The following OCEL1 variants were observed in gnomAD, a reference collection of about 807,000 sequenced individuals.
OCEL1 encodes the protein occludin/ELL domain-containing protein 1.
Under a neutral mutation model 29.4 loss-of-function variants are expected in OCEL1, and 24 were observed. The ratio of observed to expected loss-of-function variants is 0.82; its 90% CI spans 0.59 to 1.15. The LOEUF is 1.15. OCEL1 is among the 50% of genes most tolerant of loss of function. The probability of loss-of-function intolerance (pLI) is 0.00; values close to 1 mark genes in which losing one functional copy is unlikely to be tolerated. For missense variants in OCEL1, 402 were observed against 352.5 expected (o/e 1.14, Z -1.13); for synonymous variants, 172 against 145.3 (o/e 1.18, Z -1.32).
chr19:17,226,357 G>C, intron 1 of OCEL1, 41 bp downstream of exon 1: 2 of 1,598,346 alleles, frequency 1.3e-6, no homozygotes, highest in Non-Finnish European at 1.7e-6. Context: ...CTTGCAGGTG[G>C]GGCGGAGGTC....
intron 3 of OCEL1, 24 bp downstream of exon 3, chr19:17,227,223 T>TTATG: frequency 1.4e-6 from 2 of 1,466,188 alleles, no homozygotes. Context: ...ATGTGATTCT[T>TTATG]CATGCCTGGG....
rs1002827638 is a variant in OCEL1, at chr19:17,226,468, C to T, written c.69+152C>T. On this transcript the variant is annotated intron_variant, in intron 1 of 5. Transcript: ENST00000215061. Reference sequence around the variant, plus strand: ...TAACTCGAGCCGGTCCCAGGCTGCGCGGCGACGTCAGAGTTCATTTACATA... The same window carrying T: ...TAACTCGAGCCGGTCCCAGGCTGCGTGGCGACGTCAGAGTTCATTTACATA... 8 of 1,007,134 alleles carry T rather than the reference C, an allele frequency of 7.9e-6. No homozygotes were observed. The African/African-American group carries it at 1.3e-4, about 16-fold the overall frequency. 62.4% of individuals were successfully genotyped at this position (1,007,134 alleles called of 1,614,324 possible).
At chr19:17,227,332 G>A in intron 3 of OCEL1, 133 bp downstream of exon 3, 3 of 768,790 alleles carry the variant, frequency 3.9e-6, no homozygotes, top group Non-Finnish European at 5.5e-6. Context: ...TAGTGGGATT[G>A]TCCCTGTGAA....
At chr19:17,226,569 A>G in intron 1 of OCEL1, 124 bp from the exon 2 acceptor site, 1 of 1,118,150 alleles carries the variant, frequency 8.9e-7, no homozygotes, top group Non-Finnish European at 1.2e-6. Context: ...CTATGCAAAT[A>G]GCGGTCGTTC....
chr19:17,227,292 G>A, intron 3 of OCEL1, 93 bp downstream of exon 3: 4 of 1,204,040 alleles, frequency 3.3e-6, no homozygotes, highest in Non-Finnish European at 4.4e-6. Flanking sequence ...TTACCAAAGA[G>A]TAGAAAGGAA....
Position 17,228,016 on chromosome 19 carries a change from G to C in OCEL1, c.618+11G>C, listed in dbSNP as rs1211992045. The C allele has an allele frequency of 1.2e-6, 2 of 1,610,812 alleles. No homozygotes were observed. The highest frequency in any genetic ancestry group is 1.7e-6 in the Non-Finnish European group (2 of 1,179,510). ...CCACCCCAAAGCCAGGTCAGCACTA[G>C]GGAGAAAGCCCTGCCCCGCAGCCCT... On this transcript the variant is annotated intron_variant, in intron 4 of 5. Transcript: ENST00000215061.
At chr19:17,227,317 A>G in intron 3 of OCEL1, 118 bp downstream of exon 3, 1 of 927,202 alleles carries the variant, frequency 1.1e-6, no homozygotes, top group Non-Finnish European at 1.5e-6. Context: ...TCCCTTGCTG[A>G]TCAGTAGTGG....
In OCEL1 at chr19:17,228,307, A is replaced by T; in HGVS notation, c.670A>T (p.Met224Leu). 1 of 1,613,930 alleles carries T rather than the reference A, an allele frequency of 6.2e-7. No homozygotes were observed. Among genetic ancestry groups the T allele is most frequent in the Non-Finnish European group, 8.5e-7 (1 of 1,179,962 alleles). ...RVWREFEMKR[M>L]DPGFLDKQAR... ...TTGGAGGGAGTTTGAGATGAAGCGA[A>T]TGGTGAGTCTTGCATCCCACAGCTT... The change falls in exon 5 of 6, where the codon ATG becomes TTG. Residue 224 changes from methionine (M) to leucine (L), a missense_variant and splice_region_variant. By Grantham distance (15) the Met-to-Leu change is conservative (BLOSUM62 2). Coordinates refer to ENST00000215061, the MANE Select transcript of OCEL1 (RefSeq NM_024578.3).
intron 5 of OCEL1, 68 bp from the exon 6 acceptor site, chr19:17,228,733 CAG>C: frequency 6.4e-7 from 1 of 1,558,788 alleles, no homozygotes; most frequent in South Asian, 1.2e-5. Flanking sequence ...GAATGAAAGG[CAG>C]AGAGTTAAGC....
chr19:17,227,030 G>A lies in OCEL1; in HGVS notation c.283G>A (p.Ala95Thr). 6.3e-7 allele frequency: 1 copy of A among 1,599,998 alleles called. No individual in the cohort carries two copies. Among genetic ancestry groups the A allele is most frequent in the South Asian group, 1.1e-5 (1 of 89,228 alleles). ...GGCGCCCCGAGGCCTCAAAACCAGC[G>A]CCCCCCGCCCTCCGTGCCAGCCCCA... ...GLAPRGLKTS[A>T]PRPPCQPQPG... The change falls in exon 3 of 6, where the codon GCC becomes ACC. Residue 95 changes from alanine (A) to threonine (T), a missense_variant. Physicochemically the swap from Ala to Thr is moderately conservative, Grantham distance 58. Coordinates refer to ENST00000215061, the MANE Select transcript of OCEL1 (RefSeq NM_024578.3).
rs541748618 is a variant in OCEL1 at position 17,229,020 on chromosome 19, A to G, written c.*95A>G. 3 of 1,451,446 alleles carry G rather than the reference A, an allele frequency of 2.1e-6. No individual in the cohort carries two copies. Among genetic ancestry groups the G allele is most frequent in the Non-Finnish European group, 2.8e-6 (3 of 1,079,032 alleles). The allele number at this position is 1,451,446 out of a possible 1,614,324, so 89.9% of individuals were successfully genotyped here. A position where few individuals can be genotyped will look rare whatever the true frequency, so the allele number is the denominator to read the frequency against. Reference sequence around the variant, plus strand: ...TTTTCCTCTTGCAGCTCCCCCTACCAGGGGTCGCTTTCTCCTGGATTGCAA... The same window carrying G: ...TTTTCCTCTTGCAGCTCCCCCTACCGGGGGTCGCTTTCTCCTGGATTGCAA... On this transcript the variant is annotated 3_prime_UTR_variant, in exon 6 of 6. Transcript: ENST00000215061.
At chr19:17,228,050 G>T in intron 4 of OCEL1, 45 bp downstream of exon 4, 1 of 1,600,808 alleles carries the variant, frequency 6.2e-7, no homozygotes, top group Non-Finnish European at 8.5e-7. Context: ...CTTCTGAGTG[G>T]CCCGACCCAA....
intron 5 of OCEL1, 59 bp from the exon 6 acceptor site, chr19:17,228,744 G>A: frequency 7.0e-6 from 11 of 1,581,276 alleles, no homozygotes; most frequent in Non-Finnish European, 9.4e-6. Flanking sequence ...AGAGAGTTAA[G>A]CAGCTTGAAG....
chr19:17,228,152 G>T, intron 4 of OCEL1, 104 bp from the exon 5 acceptor site: 9 of 1,532,178 alleles, frequency 5.9e-6, no homozygotes, highest in Non-Finnish European at 8.1e-6. Flanking sequence ...GTCAGCCCTT[G>T]AAGTCCCCAC....
intron 4 of OCEL1, 107 bp from the exon 5 acceptor site, chr19:17,228,149 C>G: frequency 6.5e-7 from 1 of 1,532,366 alleles, no homozygotes; most frequent in Non-Finnish European, 9.0e-7. Context: ...AAGGTCAGCC[C>G]TTGAAGTCCC....
In OCEL1 at chr19:17,228,015, AG is replaced by A. The variant is rs1356989323; in HGVS notation, c.618+13del. 6.2e-7 allele frequency: 1 copy of A among 1,611,032 alleles called. No homozygotes were observed. The highest frequency in any genetic ancestry group is 8.5e-7 in the Non-Finnish European group (1 of 1,179,604). On this transcript the variant is annotated intron_variant, in intron 4 of 5. Coordinates refer to ENST00000215061, the MANE Select transcript of OCEL1 (RefSeq NM_024578.3). Reference sequence around the variant, plus strand: ...CCCACCCCAAAGCCAGGTCAGCACTAGGGAGAAAGCCCTGCCCCGCAGCCCT... The same window carrying A: ...CCCACCCCAAAGCCAGGTCAGCACTAGGAGAAAGCCCTGCCCCGCAGCCCT...
rs770965365 is a variant in OCEL1, at chr19:17,228,291, G to A, written c.654G>A (p.Glu218=). The change falls in exon 5 of 6, where the codon GAG becomes GAA. Residue 218 remains glutamate (E), a synonymous_variant. Coordinates refer to ENST00000215061, the MANE Select transcript of OCEL1 (RefSeq NM_024578.3). ...EAQVAARVWR[E]FEMKRMDPGF... Reference sequence around the variant, plus strand: ...AAGTTGCAGCCCGGGTTTGGAGGGAGTTTGAGATGAAGCGAATGGTGAGTC... The same window carrying A: ...AAGTTGCAGCCCGGGTTTGGAGGGAATTTGAGATGAAGCGAATGGTGAGTC... The A allele has an allele frequency of 6.2e-7, 1 of 1,614,120 alleles. No individual in the cohort carries two copies. Among genetic ancestry groups the A allele is most frequent in the Admixed American group, 1.7e-5 (1 of 59,998 alleles).
rs201366053 is a variant in OCEL1, at chr19:17,226,314, C to G, written c.67C>G (p.Gln23Glu). 1 of 1,611,586 alleles carries G rather than the reference C, an allele frequency of 6.2e-7. No homozygotes were observed. The highest frequency in any genetic ancestry group is 8.5e-7 in the Non-Finnish European group (1 of 1,179,414). Residue 23 changes from glutamine to glutamate, a missense_variant and splice_region_variant, in exon 1 of 6, where the codon CAG becomes GAG. Coordinates refer to ENST00000215061, the MANE Select transcript of OCEL1 (RefSeq NM_024578.3). ...DPGSELQTLG[Q>E]AARRPPPPRA... ...AGGCTCGGAGCTCCAGACGCTGGGA[C>G]AGGTGACCCGGGGCGGTAGCGAGCC...
Position 17,228,519 on chromosome 19 carries a change from G to A in OCEL1, c.672+210G>A, listed in dbSNP as rs187826298. On this transcript the variant is annotated intron_variant, in intron 5 of 5. Coordinates refer to ENST00000215061, the MANE Select transcript of OCEL1 (RefSeq NM_024578.3). ...TCCTGCCTCAGCTGGGATCACAGGC[G>A]CCCACCACCGTGCCTGGCAAATTTT... 5.8e-4 allele frequency: 359 copies of A among 616,158 alleles called. 3 individuals carry two copies. In the East Asian group the frequency reaches 9.9e-3, roughly 17 times the overall value. The allele number at this position is 616,158 out of a possible 1,614,324, so 38.2% of individuals were successfully genotyped here.
Sources: allele counts gnomAD v4.1 joint callset, GRCh38; gene constraint gnomAD v4.1.1; transcripts MANE v1.5; gene names NCBI Gene and HGNC (gene_info 2026-07-23, HGNC 2026-07-21).